The following GPHN variants were observed in gnomAD, a reference collection of about 807,000 sequenced individuals.
GPHN encodes gephyrin.
A neutral mutation model predicts 95.5 loss-of-function variants in GPHN; 17 were observed. That is an observed-to-expected ratio of 0.18 (90% CI 0.12 to 0.27). GPHN has a LOEUF of 0.27. Among genes scored for constraint, GPHN ranks in the 10% least tolerant of loss-of-function variants. The pLI, the probability that GPHN is intolerant of heterozygous loss-of-function variation, is 1.00. For missense variants in GPHN, 660 were observed against 978.1 expected (o/e 0.67, Z 4.34); for synonymous variants, 320 against 322.5 (o/e 0.99, Z 0.08).
intron 11 of GPHN, among the ~76,000 whole-genome samples, chr14:67,086,465 C>T (rs1289846218): frequency 1.3e-5 from 2 of 151,436 alleles, no homozygotes; most frequent in African/African-American, 4.9e-5. Flanking sequence ...TCCTGGCTAA[C>T]ACGGTGAAAC....
intron 1 of GPHN, among the ~76,000 whole-genome samples, chr14:66,570,620 T>C (rs188550139): frequency 6.6e-6 from 1 of 152,270 alleles, no homozygotes; most frequent in Non-Finnish European, 1.5e-5. Flanking sequence ...TCATATACTT[T>C]TGATATATAC....
chr14:66,949,273 CAG>C (rs2067948434), intron 8 of GPHN, among the ~76,000 whole-genome samples: 1 of 152,104 alleles, frequency 6.6e-6, no homozygotes, highest in Non-Finnish European at 1.5e-5. Context: ...TTAGTAGAGA[CAG>C]GGTCTCACCA....
At chr14:67,451,065 C>T in the GPHN span, among the ~76,000 whole-genome samples, 1 of 152,230 alleles carries the variant, frequency 6.6e-6, no homozygotes, top group Non-Finnish European at 1.5e-5. Flanking sequence ...CAGGCTGTGG[C>T]TTCAGAGGGT....
the GPHN span, among the ~76,000 whole-genome samples, chr14:67,525,457 TC>T: frequency 2.0e-5 from 3 of 152,252 alleles, no homozygotes; most frequent in African/African-American, 7.2e-5. Flanking sequence ...TTCAATTGGA[TC>T]CTTTTCCCCT....
At chr14:66,624,133 A>G (rs1440345444) in intron 1 of GPHN, among the ~76,000 whole-genome samples, 1 of 152,198 alleles carries the variant, frequency 6.6e-6, no homozygotes, top group Admixed American at 6.5e-5. Context: ...AAGCTGTCAC[A>G]TACCAACACT....
At chr14:67,005,797 A>G (rs139715271) in intron 9 of GPHN, among the ~76,000 whole-genome samples, 454 of 152,082 alleles carry the variant, frequency 3.0e-3, no homozygotes, top group African/African-American at 0.011. Context: ...TAGTAGAGAA[A>G]GCAAATAATT....
the GPHN span, among the ~76,000 whole-genome samples, chr14:67,522,453 G>A: frequency 1.3e-5 from 2 of 152,304 alleles, no homozygotes; most frequent in Non-Finnish European, 2.9e-5. Context: ...GGCGAGCCTG[G>A]TTATGAGAAG....
chr14:66,605,617 C>G (rs542648359), intron 1 of GPHN, among the ~76,000 whole-genome samples: 1 of 147,380 alleles, frequency 6.8e-6, no homozygotes, highest in South Asian at 2.1e-4. Flanking sequence ...GCAATCTCTG[C>G]CCCCCAGGTT....
intron 1 of GPHN, among the ~76,000 whole-genome samples, chr14:66,620,047 C>T (rs1421127089): frequency 6.6e-6 from 1 of 151,960 alleles, no homozygotes; most frequent in Non-Finnish European, 1.5e-5. Flanking sequence ...GAGGGAATTA[C>T]CCCACTGCCC....
At chr14:66,985,878 T>G (rs1594734271) in intron 9 of GPHN, 1 of 560,984 alleles carries the variant, frequency 1.8e-6, no homozygotes, top group Non-Finnish European at 3.1e-6. Context: ...TTATTGGCTG[T>G]TGGGTCATAT....
At chr14:67,586,924 G>A in the GPHN span, 1 of 1,540,414 alleles carries the variant, frequency 6.5e-7, no homozygotes, top group African/African-American at 1.4e-5. Context: ...GCACAGTTAT[G>A]ATTCCCTTTG....
chr14:67,577,245 G>A, the GPHN span: 1 of 1,068,606 alleles, frequency 9.4e-7, no homozygotes, highest in African/African-American at 1.6e-5. Context: ...GTGAGTGGGA[G>A]ATGAGTCCCC....
At chr14:66,640,177 T>G (rs555804882) in intron 1 of GPHN, among the ~76,000 whole-genome samples, 5 of 152,148 alleles carry the variant, frequency 3.3e-5, no homozygotes, top group African/African-American at 1.2e-4. Flanking sequence ...TCCCAGCACT[T>G]TGGGAGGCTG....
At chr14:67,620,101 A>C in the GPHN span, 2 of 1,567,754 alleles carry the variant, frequency 1.3e-6, no homozygotes, top group Non-Finnish European at 1.7e-6. Flanking sequence ...GAGAACTGGC[A>C]CCTGGAACCG....
intron 1 of GPHN, among the ~76,000 whole-genome samples, chr14:66,528,102 A>G (rs2058764128): frequency 6.6e-6 from 1 of 152,138 alleles, no homozygotes; most frequent in Admixed American, 6.5e-5. Context: ...TGGGAGTCTA[A>G]GTCTCTGTAG....
chr14:66,549,973 G>GTTTCAT (rs2059754270), intron 1 of GPHN, among the ~76,000 whole-genome samples: 1 of 152,134 alleles, frequency 6.6e-6, no homozygotes, highest in South Asian at 2.1e-4. Context: ...TTATTTCAAA[G>GTTTCAT]TATTACTACT....
At chr14:67,178,334 G>C (rs1053481741) in intron 21 of GPHN, among the ~76,000 whole-genome samples, 1 of 152,188 alleles carries the variant, frequency 6.6e-6, no homozygotes, top group African/African-American at 2.4e-5. Flanking sequence ...TAGTTTGGCT[G>C]GATATGAAAT....
At chr14:67,668,945 G>A in the GPHN span, among the ~76,000 whole-genome samples, 1 of 151,826 alleles carries the variant, frequency 6.6e-6, no homozygotes, top group Non-Finnish European at 1.5e-5. Context: ...CAGAAAATAA[G>A]TACTCTGGAA....
At chr14:66,774,902 G>T (rs1033447077) in intron 2 of GPHN, among the ~76,000 whole-genome samples, 1 of 152,068 alleles carries the variant, frequency 6.6e-6, no homozygotes, top group Non-Finnish European at 1.5e-5. Flanking sequence ...TTCAAACATT[G>T]TTGTCTTGTG....
Sources: allele counts gnomAD v4.1 joint callset (sites outside exome capture counted in the v4.1 genomes callset), GRCh38; gene constraint gnomAD v4.1.1; transcripts MANE v1.5; gene names NCBI Gene and HGNC (gene_info 2026-07-23, HGNC 2026-07-21).